Variants in SEMA4F observed in about 807,000 individuals in gnomAD.
The protein encoded by SEMA4F is ssemaphorin 4F.
A neutral mutation model predicts 78.4 loss-of-function variants in SEMA4F; 51 were observed. The ratio of observed to expected loss-of-function variants is 0.65; its 90% CI spans 0.52 to 0.82. The LOEUF is 0.82. SEMA4F is among the 40% of genes least tolerant of loss of function. The pLI, the probability that SEMA4F is intolerant of heterozygous loss-of-function variation, is 0.00. For synonymous variants in SEMA4F, 418 were observed against 408.7 expected (o/e 1.02, Z -0.27); for missense variants, 938 against 1,014.4 (o/e 0.92, Z 1.02).
chr2:74,683,444 G>A lies in SEMA4F; in HGVS notation c.*3235G>A, dbSNP rs1187889037. 2.0e-5 allele frequency: 3 copies of A among 152,276 alleles called. No homozygotes were observed. The highest frequency in any genetic ancestry group is 4.4e-5 in the Non-Finnish European group (3 of 68,084). The allele number at this position is 152,276 out of a possible 1,614,324, so 9.4% of individuals were successfully genotyped here. On this transcript the variant is annotated 3_prime_UTR_variant, in exon 14 of 14. Transcript: ENST00000357877. ...GAAGGCAGAAGTGGCTTTCCCCGAG[G>A]TGAGGACGGGGATGGGAGTTTTTTC...
intron 5 of SEMA4F, among the ~76,000 whole-genome samples, chr2:74,663,449 G>A (rs11895456): frequency 0.05 from 7,587 of 152,146 alleles, 654 homozygotes; most frequent in African/African-American, 0.17. Flanking sequence ...CCCTGTATTC[G>A]TCCATTTGTG....
chr2:74,665,857 C>G (rs1461950713), intron 5 of SEMA4F, among the ~76,000 whole-genome samples: 1 of 150,470 alleles, frequency 6.6e-6, no homozygotes, highest in Admixed American at 6.6e-5. Flanking sequence ...TTGCAACACT[C>G]TAAGATAATC....
chr2:74,699,429 A>G, the SEMA4F span, among the ~76,000 whole-genome samples: 1 of 152,190 alleles, frequency 6.6e-6, no homozygotes, highest in Non-Finnish European at 1.5e-5. Flanking sequence ...GGCTTCAGGA[A>G]CTATCCCCTA....
chr2:74,689,068 T>C, the SEMA4F span, among the ~76,000 whole-genome samples: 2 of 152,090 alleles, frequency 1.3e-5, no homozygotes, highest in Non-Finnish European at 2.9e-5. Flanking sequence ...TGTTAAGGTG[T>C]GTTCCAAATC....
intron 13 of SEMA4F, 107 bp from the exon 14 acceptor site, chr2:74,679,492 T>C: frequency 2.7e-6 from 4 of 1,505,774 alleles, no homozygotes; most frequent in Non-Finnish European, 2.7e-6. Context: ...CCTTTTTAGC[T>C]TAGTCTCCAT....
intron 4 of SEMA4F, 108 bp from the exon 5 acceptor site, chr2:74,662,624 G>C (rs188668094): frequency 4.6e-6 from 4 of 875,204 alleles, no homozygotes; most frequent in Non-Finnish European, 5.8e-6. Flanking sequence ...GGGAGTGGAA[G>C]GGGAGAGGAA....
intron 5 of SEMA4F, among the ~76,000 whole-genome samples, chr2:74,670,191 T>C (rs1294274968): frequency 6.6e-6 from 1 of 152,192 alleles, no homozygotes; most frequent in Admixed American, 6.5e-5. Context: ...AATCACAATA[T>C]TTGGAATTGA....
At chr2:74,668,482 A>T (rs1320480557) in intron 5 of SEMA4F, among the ~76,000 whole-genome samples, 1 of 152,210 alleles carries the variant, frequency 6.6e-6, no homozygotes, top group Non-Finnish European at 1.5e-5. Context: ...TTTAAAAAAT[A>T]TCCAGCTGGC....
At position 74,681,678 on chromosome 2, in the gene SEMA4F, C is replaced by T. The variant is rs1222056579; in HGVS notation, c.*1469C>T. ...GATGACATTGTCAGCTCTTACCAAACGTCAAGACCTCTTCCTGCTTGACCA... is the reference window on the plus strand; with the variant it reads ...GATGACATTGTCAGCTCTTACCAAATGTCAAGACCTCTTCCTGCTTGACCA... On this transcript the variant is annotated 3_prime_UTR_variant, in exon 14 of 14. Transcript: ENST00000357877. 2 of 153,108 alleles carry T rather than the reference C, an allele frequency of 1.3e-5. No individual in the cohort carries two copies. Among genetic ancestry groups the T allele is most frequent in the African/African-American group, 4.8e-5 (2 of 41,446 alleles). The allele number at this position is 153,108 out of a possible 1,614,324, so 9.5% of individuals were successfully genotyped here.
At chr2:74,675,974 G>A (rs772172880) in intron 12 of SEMA4F, 65 bp downstream of exon 12, 28 of 1,516,464 alleles carry the variant, frequency 1.8e-5, no homozygotes, top group South Asian at 1.1e-4. Flanking sequence ...ATATGTCTAC[G>A]TTTCTCATCT....
chr2:74,702,376 T>A, the SEMA4F span, among the ~76,000 whole-genome samples: 3 of 151,164 alleles, frequency 2.0e-5, no homozygotes, highest in Non-Finnish European at 4.4e-5. Context: ...CAGCTAAAAT[T>A]GCTCATCAGC....
Position 74,654,349 on chromosome 2 carries a change from C to A in SEMA4F, c.-28C>A, listed in dbSNP as rs895215802. The A allele has an allele frequency of 3.4e-6, 5 of 1,458,682 alleles. No homozygotes were observed. Among genetic ancestry groups the A allele is most frequent in the African/African-American group, 1.5e-5 (1 of 67,534 alleles). The allele number at this position is 1,458,682 out of a possible 1,614,324, so 90.4% of individuals were successfully genotyped here. A position where few individuals can be genotyped will look rare whatever the true frequency, so the allele number is the denominator to read the frequency against. On this transcript the variant is annotated 5_prime_UTR_variant, in exon 1 of 14. Transcript: ENST00000357877. ...CCCTGAGCAGAGGCCGTAGCTTGCG[C>A]CGCACCCGCGGCCAGGCGGAGCCAA...
chr2:74,663,440 C>T (rs188728910), intron 5 of SEMA4F, among the ~76,000 whole-genome samples: 1 of 151,954 alleles, frequency 6.6e-6, no homozygotes, highest in Non-Finnish European at 1.5e-5. Context: ...TTCCTAATAC[C>T]CTGTATTCGT....
rs181221221 is a variant in SEMA4F, at chr2:74,673,778, T to A, written c.772T>A (p.Phe258Ile). The A allele has an allele frequency of 6.2e-7, 1 of 1,614,230 alleles. No individual in the cohort carries two copies. The highest frequency in any genetic ancestry group is 1.7e-5 in the Admixed American group (1 of 60,032). Residue 258 changes from phenylalanine to isoleucine, a missense_variant, in exon 7 of 14, where the codon TTT (phenylalanine) becomes ATT (isoleucine). Physicochemically the swap from Phe to Ile is conservative, Grantham distance 21. Transcript: ENST00000357877. The part of the protein sequence containing the change: ...YFFFTETSRA[F>I]DSYERIKVPR... ...CTTCTTTACGGAGACTTCCCGAGCA[T>A]TTGACTCATACGAGCGCATTAAAGT...
rs571736144 is a variant in SEMA4F at position 74,665,232 on chromosome 2, T to C, written c.550+2407T>C. ...ACAAATTAAATCACTCTTTTTCTTT[T>C]TTTTTTTTTTTTTTTGAGACAGAGT... On this transcript the variant is annotated intron_variant, in intron 5 of 13. Transcript: ENST00000357877. Among the ~76,000 whole-genome samples the C allele has an allele frequency of 3.9e-3, 575 of 149,130 alleles. 3 individuals carry two copies. Among genetic ancestry groups the C allele is most frequent in the African/African-American group, 0.012 (509 of 40,834 alleles).
the SEMA4F span, among the ~76,000 whole-genome samples, chr2:74,695,082 T>G: frequency 6.6e-6 from 1 of 152,204 alleles, no homozygotes; most frequent in Non-Finnish European, 1.5e-5. Flanking sequence ...TTTTTATTAT[T>G]TGAAATTTTG....
chr2:74,679,327 G>T lies in SEMA4F; in HGVS notation c.1695G>T (p.Glu565Asp), dbSNP rs780468543. 1.2e-6 allele frequency: 2 copies of T among 1,612,626 alleles called. No individual in the cohort carries two copies. Among genetic ancestry groups the T allele is most frequent in the East Asian group, 4.5e-5 (2 of 44,892 alleles). Residue 565 changes from glutamate (E) to aspartate (D), a missense_variant, in exon 13 of 14, where the codon GAG (glutamate) becomes GAT (aspartate). Glu to Asp is a conservative substitution (Grantham distance 45). Transcript: ENST00000357877. ...SADVSSLCPK[E>D]PGERPVVFEV... ...ATGTCTCCTCTTTGTGTCCTAAAGA[G>T]CCTGGAGGTCTGTATGGTCTGTATG... is the stretch of plus-strand genomic sequence containing the variant.
chr2:74,684,929 G>A (rs1233088563), downstream of SEMA4F, among the ~76,000 whole-genome samples: 2 of 152,238 alleles, frequency 1.3e-5, no homozygotes, highest in Non-Finnish European at 2.9e-5. Context: ...CCATGATCGT[G>A]CCACTGCACT....
intron 4 of SEMA4F, among the ~76,000 whole-genome samples, chr2:74,660,230 A>G (rs1553425793): frequency 6.6e-6 from 1 of 152,218 alleles, no homozygotes; most frequent in Non-Finnish European, 1.5e-5. Flanking sequence ...TGTCTCTAAG[A>G]CTGAATAGCT....
Sources: gnomAD v4.1 joint callset for allele counts (sites outside exome capture counted in the v4.1 genomes callset) on GRCh38, gnomAD v4.1.1 for gene constraint, MANE v1.5 for transcripts, NCBI Gene and HGNC (gene_info 2026-07-23, HGNC 2026-07-21) for gene names.